Variants in ROBO1 observed in about 807,000 individuals in gnomAD.
ROBO1 encodes the protein roundabout homolog 1.
Under a neutral mutation model 195.9 loss-of-function variants are expected in ROBO1, and 149 were observed. That is an observed-to-expected ratio of 0.76 (90% CI 0.67 to 0.87). The LOEUF (loss-of-function observed/expected upper bound fraction) is 0.87, where lower values mean the gene tolerates loss of function less well. Ranked by LOEUF, ROBO1 falls within the 40% of genes least tolerant of loss-of-function variation. The pLI is 0.00. For synonymous variants in ROBO1, 816 were observed against 733.2 expected, an observed-to-expected ratio of 1.11 and a Z score of -1.82; for missense variants, 1,933 against 2,068.3, an observed-to-expected ratio of 0.93 and a Z score of 1.27.
intron 1 of ROBO1, among the ~76,000 whole-genome samples, chr3:79,734,445 C>G (rs964385373): frequency 6.6e-6 from 1 of 152,202 alleles, no homozygotes; most frequent in African/African-American, 2.4e-5. Flanking sequence ...TTTTTTCTGA[C>G]TATAATTTCA....
chr3:78,903,243 C>A (rs1372902413), intron 4 of ROBO1, among the ~76,000 whole-genome samples: 1 of 152,106 alleles, frequency 6.6e-6, no homozygotes, highest in Non-Finnish European at 1.5e-5. Flanking sequence ...TCAAATGCCA[C>A]ACACATCCTA....
At chr3:79,266,618 C>A (rs1442302073) in intron 2 of ROBO1, among the ~76,000 whole-genome samples, 4 of 151,378 alleles carry the variant, frequency 2.6e-5, no homozygotes, top group Non-Finnish European at 5.9e-5. Flanking sequence ...ATAGTGGGTC[C>A]TAATAGAAAT....
intron 3 of ROBO1, among the ~76,000 whole-genome samples, chr3:79,059,164 C>T (rs2078867966): frequency 6.6e-6 from 1 of 152,064 alleles, no homozygotes; most frequent in Non-Finnish European, 1.5e-5. Context: ...TATAATGAGA[C>T]TGATCATTCA....
intron 3 of ROBO1, among the ~76,000 whole-genome samples, chr3:78,974,682 G>T (rs1435448615): frequency 6.6e-6 from 1 of 152,138 alleles, no homozygotes; most frequent in Non-Finnish European, 1.5e-5. Context: ...GGACAGCTGG[G>T]TTTAACAGGT....
intron 29 of ROBO1, among the ~76,000 whole-genome samples, chr3:78,605,806 C>T (rs148499902): frequency 1.5e-3 from 231 of 152,266 alleles, no homozygotes; most frequent in Middle Eastern, 6.8e-3. Context: ...ACTGGTCATT[C>T]AGGGCCACCT....
chr3:79,695,936 G>GT (rs35294954), intron 1 of ROBO1, among the ~76,000 whole-genome samples: 5 of 150,684 alleles, frequency 3.3e-5, no homozygotes, highest in East Asian at 2.0e-4. Flanking sequence ...ACAGTTATAG[G>GT]TTTTTTTTCC....
chr3:79,446,055 C>A (rs1406491889), intron 2 of ROBO1, among the ~76,000 whole-genome samples: 1 of 152,180 alleles, frequency 6.6e-6, no homozygotes, highest in Non-Finnish European at 1.5e-5. Context: ...GCCTCAGCCT[C>A]CCCTTGTGCT....
At chr3:78,754,661 T>C (rs543844681) in intron 4 of ROBO1, among the ~76,000 whole-genome samples, 14 of 151,826 alleles carry the variant, frequency 9.2e-5, no homozygotes, top group African/African-American at 2.2e-4. Flanking sequence ...GTGGCTTGCA[T>C]TGGCGGGAGT....
intron 2 of ROBO1, among the ~76,000 whole-genome samples, chr3:79,126,237 A>T (rs1258770423): frequency 6.6e-6 from 1 of 152,224 alleles, no homozygotes; most frequent in Non-Finnish European, 1.5e-5. Flanking sequence ...ATTCCAAAGT[A>T]TTGGATATTT....
chr3:78,616,292 T>C (rs1704105458), intron 27 of ROBO1, among the ~76,000 whole-genome samples: 1 of 152,190 alleles, frequency 6.6e-6, no homozygotes. Flanking sequence ...AAAAGCCGTA[T>C]GTAAAGTTAG....
chr3:79,428,312 TA>T (rs1002220507), intron 2 of ROBO1, among the ~76,000 whole-genome samples: 1 of 149,576 alleles, frequency 6.7e-6, no homozygotes, highest in Non-Finnish European at 1.5e-5. Context: ...ATAAAATGTA[TA>T]AAAATAAATA....
intron 4 of ROBO1, among the ~76,000 whole-genome samples, chr3:78,919,012 T>C (rs2038789873): frequency 6.6e-6 from 1 of 152,196 alleles, no homozygotes; most frequent in Non-Finnish European, 1.5e-5. Flanking sequence ...CTTACAAATA[T>C]TTTACCCATT....
intron 5 of ROBO1, among the ~76,000 whole-genome samples, chr3:78,736,565 C>A (rs1050333686): frequency 1.1e-4 from 16 of 151,980 alleles, no homozygotes; most frequent in African/African-American, 3.4e-4. Context: ...AAACCACATG[C>A]CAAGACTCTC....
chr3:78,726,305 A>G (rs1433335929), intron 5 of ROBO1, among the ~76,000 whole-genome samples: 1 of 152,212 alleles, frequency 6.6e-6, no homozygotes, highest in African/African-American at 2.4e-5. Flanking sequence ...AATACAGATA[A>G]GACACACATA....
chr3:78,999,985 G>A (rs1047295061), intron 3 of ROBO1, among the ~76,000 whole-genome samples: 2 of 152,118 alleles, frequency 1.3e-5, no homozygotes, highest in African/African-American at 4.8e-5. Context: ...GTGGGTGTGT[G>A]TTCATCATAT....
intron 2 of ROBO1, among the ~76,000 whole-genome samples, chr3:79,184,181 A>G (rs1377386575): frequency 6.6e-6 from 1 of 152,208 alleles, no homozygotes; most frequent in African/African-American, 2.4e-5. Context: ...TGACTTTTAA[A>G]TACCCCAAAT....
intron 2 of ROBO1, among the ~76,000 whole-genome samples, chr3:79,304,655 T>G (rs910741590): frequency 2.0e-5 from 3 of 152,290 alleles, no homozygotes; most frequent in Non-Finnish European, 2.9e-5. Context: ...TCATCCATAA[T>G]GAGATGTGTA....
chr3:79,204,058 A>T (rs1269335774), intron 2 of ROBO1, among the ~76,000 whole-genome samples: 3 of 151,788 alleles, frequency 2.0e-5, no homozygotes, highest in Non-Finnish European at 4.4e-5. Context: ...ATTCTTTTTC[A>T]CTCAGCACTG....
chr3:78,938,421 A>G (rs1332303101), intron 4 of ROBO1, 180 bp downstream of exon 4: 1 of 564,768 alleles, frequency 1.8e-6, no homozygotes, highest in East Asian at 2.9e-5. Context: ...TTTAGCTTGA[A>G]TAACAAGTTA....
Sources: gnomAD v4.1 joint callset for allele counts (sites outside exome capture counted in the v4.1 genomes callset) on GRCh38, gnomAD v4.1.1 for gene constraint, MANE v1.5 for transcripts, NCBI Gene and HGNC (gene_info 2026-07-23, HGNC 2026-07-21) for gene names.